Variants in PTPRD observed in about 807,000 individuals in gnomAD.
PTPRD encodes receptor-type tyrosine-protein phosphatase delta.
PTPRD carries 34 observed loss-of-function variants against 214.5 expected under a neutral mutation model. The observed-to-expected ratio is 0.16, with a 90% CI of 0.12 to 0.21. The LOEUF (loss-of-function observed/expected upper bound fraction) is 0.21. PTPRD is among the 10% of genes least tolerant of loss of function. The pLI, the probability that PTPRD is intolerant of heterozygous loss-of-function variation, is 1.00. For missense variants in PTPRD, 2,545 were observed against 2,398.7 expected, an observed-to-expected ratio of 1.06 and a Z score of -1.27; for synonymous variants, 1,128 against 845.7, an observed-to-expected ratio of 1.33 and a Z score of -5.79.
At chr9:9,825,492 A>C (rs1386815762) in intron 5 of PTPRD, among the ~76,000 whole-genome samples, 2 of 151,944 alleles carry the variant, frequency 1.3e-5, no homozygotes, top group African/African-American at 2.4e-5. Flanking sequence ...AGAGAAAGAC[A>C]GACAGAAACA....
At position 8,389,385 on chromosome 9, in the gene PTPRD, C is replaced by T. The variant is rs1564476231; in HGVS notation, c.4233G>A (p.Val1411=). The T allele has an allele frequency of 1.9e-6, 3 of 1,609,538 alleles. No individual in the cohort carries two copies. Among genetic ancestry groups the T allele is most frequent in the Non-Finnish European group, 2.5e-6 (3 of 1,177,980 alleles). Residue 1411 remains valine (V), a synonymous_variant, in exon 37 of 46, where the codon GTG becomes GTA. Coordinates refer to ENST00000381196, the MANE Select transcript of PTPRD (RefSeq NM_002839.4). ...TATACCCATCTATGTAGTTGGCATT[C>T]ACATAGTCACTTCCTGGGATCCCTG... The part of the protein sequence containing the change: ...AIEGIPGSDY[V]NANYIDGYRK...
At chr9:8,579,807 G>T (rs1288772391) in intron 14 of PTPRD, among the ~76,000 whole-genome samples, 1 of 152,188 alleles carries the variant, frequency 6.6e-6, no homozygotes, top group Non-Finnish European at 1.5e-5. Context: ...TACCTTGGAA[G>T]GAATGTAGTA....
chr9:9,616,669 T>C (rs1042598500), intron 7 of PTPRD, among the ~76,000 whole-genome samples: 2 of 152,072 alleles, frequency 1.3e-5, no homozygotes, highest in Non-Finnish European at 2.9e-5. Flanking sequence ...AAGTTCATGA[T>C]CACATAAGAA....
intron 8 of PTPRD, among the ~76,000 whole-genome samples, chr9:9,554,879 T>A (rs2081141735): frequency 6.6e-6 from 1 of 152,124 alleles, no homozygotes; most frequent in African/African-American, 2.4e-5. Flanking sequence ...CATATTCAAT[T>A]ATTCAATGAA....
At chr9:10,082,386 A>AT (rs2098254273) in intron 3 of PTPRD, among the ~76,000 whole-genome samples, 1 of 152,134 alleles carries the variant, frequency 6.6e-6, no homozygotes, top group Non-Finnish European at 1.5e-5. Context: ...ATCATCCTAC[A>AT]TAAGAGTTGC....
chr9:10,064,454 A>C (rs1158547220), intron 3 of PTPRD, among the ~76,000 whole-genome samples: 1 of 151,952 alleles, frequency 6.6e-6, no homozygotes, highest in African/African-American at 2.4e-5. Context: ...AGGCAGGAAA[A>C]TATATTTATC....
chr9:9,651,386 C>A (rs1007573274), intron 7 of PTPRD, among the ~76,000 whole-genome samples: 5 of 152,108 alleles, frequency 3.3e-5, no homozygotes, highest in African/African-American at 1.2e-4. Context: ...TGAACCTCTT[C>A]CTCCTCCCAC....
intron 2 of PTPRD, among the ~76,000 whole-genome samples, chr9:10,537,846 A>C (rs1394207946): frequency 6.6e-6 from 1 of 152,136 alleles, no homozygotes; most frequent in African/African-American, 2.4e-5. Flanking sequence ...AGGTATCCTA[A>C]AGATGGTTGC....
intron 9 of PTPRD, among the ~76,000 whole-genome samples, chr9:9,363,471 A>G (rs1180690488): frequency 6.6e-6 from 1 of 151,394 alleles, no homozygotes; most frequent in East Asian, 1.9e-4. Context: ...GAGTTGTAGC[A>G]TTTTATTTTT....
intron 7 of PTPRD, among the ~76,000 whole-genome samples, chr9:9,604,992 T>A (rs1249403744): frequency 6.6e-6 from 1 of 152,084 alleles, no homozygotes; most frequent in Non-Finnish European, 1.5e-5. Flanking sequence ...GAGCTTATTC[T>A]CAACTGTGAA....
chr9:9,245,844 C>A (rs951002775), intron 9 of PTPRD, among the ~76,000 whole-genome samples: 12 of 152,026 alleles, frequency 7.9e-5, no homozygotes, highest in Non-Finnish European at 1.5e-4. Context: ...GAACCTTGAG[C>A]AGAAATAAAT....
At chr9:10,141,051 C>G (rs555306792) in intron 3 of PTPRD, among the ~76,000 whole-genome samples, 2,449 of 152,010 alleles carry the variant, frequency 0.016, 54 homozygotes, top group African/African-American at 0.055. Context: ...ATTCAACAAC[C>G]CTTCATGCTA....
intron 5 of PTPRD, among the ~76,000 whole-genome samples, chr9:9,802,706 G>A (rs1179937314): frequency 1.3e-5 from 2 of 151,640 alleles, no homozygotes; most frequent in African/African-American, 4.8e-5. Context: ...CTAGCTTATA[G>A]TTGGAGCTCA....
chr9:8,632,062 A>G (rs976760967), intron 14 of PTPRD, among the ~76,000 whole-genome samples: 3 of 151,642 alleles, frequency 2.0e-5, no homozygotes, highest in African/African-American at 7.3e-5. Flanking sequence ...ACTATTTCAA[A>G]CGTAATTAAG....
chr9:8,537,925 G>A (rs2077352478), intron 14 of PTPRD, among the ~76,000 whole-genome samples: 1 of 151,954 alleles, frequency 6.6e-6, no homozygotes, highest in African/African-American at 2.4e-5. Context: ...AAGGCATACT[G>A]TTATTAGTGC....
intron 9 of PTPRD, among the ~76,000 whole-genome samples, chr9:9,335,772 C>G (rs941932680): frequency 3.9e-5 from 6 of 152,004 alleles, no homozygotes; most frequent in Admixed American, 3.3e-4. Flanking sequence ...CTCTCTTTTA[C>G]AAATGAGGAC....
chr9:8,805,396 C>T lies in PTPRD; in HGVS notation c.-103-71450G>A, dbSNP rs1196722954. On this transcript the variant is annotated intron_variant, in intron 11 of 45. Coordinates refer to ENST00000381196, the MANE Select transcript of PTPRD (RefSeq NM_002839.4). ...AACATGAACATCAGAGTAATCCAAT[C>T]CCATTATCAGAAATGAAAATATTAT... 2.0e-5 allele frequency among the ~76,000 whole-genome samples: 3 copies of T among 152,070 alleles called. No homozygotes were observed. In the South Asian group the frequency reaches 6.2e-4, roughly 32 times the overall value.
At chr9:8,445,428 G>A (rs1011582185) in intron 34 of PTPRD, among the ~76,000 whole-genome samples, 18 of 152,102 alleles carry the variant, frequency 1.2e-4, no homozygotes, top group African/African-American at 4.1e-4. Context: ...TGAAAGCATG[G>A]GCTTCCCCGA....
chr9:9,020,208 A>G (rs761894666), intron 10 of PTPRD, among the ~76,000 whole-genome samples: 2 of 152,204 alleles, frequency 1.3e-5, no homozygotes, highest in African/African-American at 4.8e-5. Context: ...TATGATAATT[A>G]TACCTTAATA....
Sources: allele counts gnomAD v4.1 joint callset (sites outside exome capture counted in the v4.1 genomes callset), GRCh38; gene constraint gnomAD v4.1.1; transcripts MANE v1.5; gene names NCBI Gene and HGNC (gene_info 2026-07-23, HGNC 2026-07-21).